Variants in NEO1 observed in about 807,000 individuals in gnomAD.
The protein encoded by NEO1 is neogenin.
In NEO1, 63 loss-of-function variants were observed where a neutral mutation model predicts 159.7. That is an observed-to-expected ratio of 0.39 (90% CI 0.32 to 0.49). NEO1 has a LOEUF of 0.49. NEO1 is among the 20% of genes least tolerant of loss of function. NEO1 has a pLI of 0.85. For missense variants in NEO1, 1,615 were observed against 1,831.0 expected (o/e 0.88, Z 2.15); for synonymous variants, 633 against 662.0 (o/e 0.96, Z 0.67).
intron 5 of NEO1, among the ~76,000 whole-genome samples, chr15:73,162,509 C>T (rs2034262454): frequency 6.6e-6 from 1 of 152,134 alleles, no homozygotes; most frequent in Non-Finnish European, 1.5e-5. Context: ...TCTCATGCCT[C>T]AACCTGCTGA....
intron 23 of NEO1, among the ~76,000 whole-genome samples, chr15:73,283,920 A>T (rs1217859207): frequency 6.6e-6 from 1 of 151,960 alleles, no homozygotes; most frequent in Admixed American, 6.5e-5. Context: ...GGGTGGGGGT[A>T]GGATTGCTTT....
chr15:73,086,680 A>G (rs1445637648), intron 1 of NEO1, among the ~76,000 whole-genome samples: 2 of 69,714 alleles, frequency 2.9e-5, no homozygotes, highest in African/African-American at 7.2e-5. Context: ...CTGTTTCTAG[A>G]TTTCTTTTTT....
chr15:73,140,603 A>G (rs906533591), intron 5 of NEO1, among the ~76,000 whole-genome samples: 3 of 152,162 alleles, frequency 2.0e-5, no homozygotes, highest in African/African-American at 7.2e-5. Context: ...CCTATGATAT[A>G]GTAGTTGTAT....
In NEO1 at chr15:73,181,090, T is replaced by A. The variant is rs533948660; in HGVS notation, c.1291+2663T>A. Among the ~76,000 whole-genome samples, 180 of 152,276 alleles carry A rather than the reference T, an allele frequency of 1.2e-3. 1 individual carries two copies. The highest frequency in any genetic ancestry group is 4.1e-3 in the African/African-American group (170 of 41,574). Reference sequence around the variant, plus strand: ...TCTGTGTGATCAGGGAATTTTTTCATGTAAGGTGTCCCCTTTGTAATAGGC... The same window carrying A: ...TCTGTGTGATCAGGGAATTTTTTCAAGTAAGGTGTCCCCTTTGTAATAGGC... On this transcript the variant is annotated intron_variant, in intron 7 of 28. Coordinates refer to ENST00000261908, the MANE Select transcript of NEO1 (RefSeq NM_002499.4).
At chr15:73,076,675 AC>A (rs1475697244) in intron 1 of NEO1, among the ~76,000 whole-genome samples, 2 of 152,184 alleles carry the variant, frequency 1.3e-5, no homozygotes, top group Admixed American at 6.5e-5. Context: ...TGTTCTCCCC[AC>A]CCACCTCCTC....
chr15:73,138,672 C>A (rs1266269043), intron 5 of NEO1, among the ~76,000 whole-genome samples: 4 of 150,646 alleles, frequency 2.7e-5, no homozygotes, highest in Admixed American at 2.6e-4. Context: ...AGGAGAATGG[C>A]GTGAACCTGG....
chr15:73,255,085 A>G (rs1429132406), intron 13 of NEO1, among the ~76,000 whole-genome samples: 1 of 152,066 alleles, frequency 6.6e-6, no homozygotes, highest in Non-Finnish European at 1.5e-5. Flanking sequence ...CCATGTTTTC[A>G]TTTTTGAGTG....
chr15:73,075,781 TG>T (rs888973020), intron 1 of NEO1, among the ~76,000 whole-genome samples: 2 of 152,190 alleles, frequency 1.3e-5, no homozygotes, highest in African/African-American at 4.8e-5. Flanking sequence ...TGTGCTTGTG[TG>T]TGTGCTTGTC....
chr15:73,176,644 A>G, intron 6 of NEO1, 87 bp downstream of exon 6: 4 of 998,170 alleles, frequency 4.0e-6, no homozygotes, highest in Non-Finnish European at 5.6e-6. Context: ...TATCTTATAT[A>G]TACTAGTTTG....
rs375576975 is a variant in NEO1 at position 73,298,353 on chromosome 15, G to C, written c.3907G>C (p.Val1303Leu). 3.8e-5 allele frequency: 61 copies of C among 1,613,760 alleles called. No homozygotes were observed. The highest frequency in any genetic ancestry group is 4.7e-5 in the Non-Finnish European group (55 of 1,179,830). ...TTTAGACTTTCCTGCTGTAGAATCC[G>C]TTCGAAATACCCCCAGCACTGACAC... Reference protein sequence around the residue: ...LSDRANSTESVRNTPSTDTMP... With the variant: ...LSDRANSTESLRNTPSTDTMP... The change falls in exon 27 of 29, where the codon GTT becomes CTT. Residue 1303 changes from valine (V) to leucine (L), a missense_variant. By Grantham distance (32) the Val-to-Leu change is conservative. Coordinates refer to ENST00000261908, the MANE Select transcript of NEO1 (RefSeq NM_002499.4).
At chr15:73,182,317 A>G (rs1030637241) in intron 7 of NEO1, among the ~76,000 whole-genome samples, 3 of 152,120 alleles carry the variant, frequency 2.0e-5, no homozygotes, top group Non-Finnish European at 4.4e-5. Flanking sequence ...CACCTTTACA[A>G]AAACAGAAAA....
intron 7 of NEO1, among the ~76,000 whole-genome samples, chr15:73,203,293 T>C (rs1474976272): frequency 6.6e-6 from 1 of 152,174 alleles, no homozygotes; most frequent in African/African-American, 2.4e-5. Context: ...CGGGGTGTTT[T>C]TTATAGTGGC....
intron 7 of NEO1, among the ~76,000 whole-genome samples, chr15:73,200,768 C>T (rs34326722): frequency 0.071 from 10,576 of 148,986 alleles, 515 homozygotes; most frequent in Non-Finnish European, 0.097. Flanking sequence ...ACGGCAGCCT[C>T]GACTTCCTGG....
At chr15:73,158,225 T>TACA (rs2033922484) in intron 5 of NEO1, among the ~76,000 whole-genome samples, 1 of 150,082 alleles carries the variant, frequency 6.7e-6, no homozygotes, top group African/African-American at 2.4e-5. Flanking sequence ...TTTTTTTTTT[T>TACA]TTTTTTTTAC....
intron 7 of NEO1, among the ~76,000 whole-genome samples, chr15:73,194,745 A>T (rs545466662): frequency 1.1e-4 from 17 of 152,324 alleles, no homozygotes; most frequent in South Asian, 2.1e-4. Context: ...TATTTATTAC[A>T]TGTTGGATAG....
At chr15:73,078,995 CCTTT>C (rs1444180988) in intron 1 of NEO1, among the ~76,000 whole-genome samples, 1 of 152,176 alleles carries the variant, frequency 6.6e-6, no homozygotes, top group Non-Finnish European at 1.5e-5. Flanking sequence ...CCTGGAATTC[CCTTT>C]CTTTCTAAGT....
At chr15:73,087,183 A>C (rs1245578362) in intron 1 of NEO1, among the ~76,000 whole-genome samples, 1 of 151,988 alleles carries the variant, frequency 6.6e-6, no homozygotes, top group African/African-American at 2.4e-5. Flanking sequence ...TTCTGTTCCT[A>C]GTTTCTGAGA....
chr15:73,059,029 GA>G (rs1194179271), intron 1 of NEO1, among the ~76,000 whole-genome samples: 1 of 152,084 alleles, frequency 6.6e-6, no homozygotes, highest in East Asian at 1.9e-4. Context: ...GATTGTATAT[GA>G]TTTTATTTTA....
chr15:73,188,870 A>T (rs2036081366), intron 7 of NEO1, among the ~76,000 whole-genome samples: 1 of 152,110 alleles, frequency 6.6e-6, no homozygotes, highest in Non-Finnish European at 1.5e-5. Context: ...AGGCAAGAGG[A>T]TTACTTGAGC....
Sources: gnomAD v4.1 joint callset for allele counts (sites outside exome capture counted in the v4.1 genomes callset) on GRCh38, gnomAD v4.1.1 for gene constraint, MANE v1.5 for transcripts, NCBI Gene and HGNC (gene_info 2026-07-23, HGNC 2026-07-21) for gene names.